Variants in PPP1R9A observed in about 807,000 individuals in gnomAD.
PPP1R9A encodes the protein neurabin-1.
In PPP1R9A, 59 loss-of-function variants were observed where a neutral mutation model predicts 141.9. That is an observed-to-expected ratio of 0.42 (90% CI 0.34 to 0.52). The LOEUF is 0.52. PPP1R9A is among the 20% of genes least tolerant of loss of function. The pLI is 0.10. For synonymous variants in PPP1R9A, 500 were observed against 569.7 expected, an observed-to-expected ratio of 0.88 and a Z score of 1.74; for missense variants, 1,444 against 1,611.9, an observed-to-expected ratio of 0.90 and a Z score of 1.78.
chr7:95,288,522 C>T lies in PPP1R9A; in HGVS notation c.3730-14C>T. ...TTGGTCCTTTAACAACACTACGTAA[C>T]ATTCCTATCTTAGATCCTTGATGAT... On this transcript the variant is annotated splice_polypyrimidine_tract_variant and intron_variant, in intron 18 of 19. Coordinates refer to ENST00000433360, the MANE Select transcript of PPP1R9A (RefSeq NM_001166160.2). 6.2e-7 allele frequency: 1 copy of T among 1,612,734 alleles called. No homozygotes were observed. The highest frequency in any genetic ancestry group is 1.1e-5 in the South Asian group (1 of 90,764).
chr7:94,947,754 A>AGT (rs1198809170), intron 2 of PPP1R9A, among the ~76,000 whole-genome samples: 1 of 152,118 alleles, frequency 6.6e-6, no homozygotes, highest in Non-Finnish European at 1.5e-5. Flanking sequence ...TATATATGAT[A>AGT]GTGACTTAGA....
intron 2 of PPP1R9A, among the ~76,000 whole-genome samples, chr7:95,083,589 A>G (rs1816216973): frequency 6.6e-6 from 1 of 151,922 alleles, no homozygotes. Context: ...TAGGAAACAT[A>G]GTGGTTCCAG....
chr7:95,281,750 G>A (rs1804271012), intron 16 of PPP1R9A, among the ~76,000 whole-genome samples: 2 of 152,154 alleles, frequency 1.3e-5, no homozygotes, highest in South Asian at 2.1e-4. Flanking sequence ...TGTTACAAAG[G>A]CTGTTCACTG....
chr7:95,271,779 C>A (rs1190399011), intron 14 of PPP1R9A, among the ~76,000 whole-genome samples: 1 of 152,078 alleles, frequency 6.6e-6, no homozygotes, highest in Non-Finnish European at 1.5e-5. Flanking sequence ...TAATTGGTCA[C>A]AAAGGTAGTA....
At chr7:95,143,591 A>T (rs1038667773) in intron 4 of PPP1R9A, among the ~76,000 whole-genome samples, 1 of 152,022 alleles carries the variant, frequency 6.6e-6, no homozygotes, top group Non-Finnish European at 1.5e-5. Context: ...ATTGGTATTT[A>T]CCCTACCGAG....
At chr7:94,987,175 T>C (rs894445123) in intron 2 of PPP1R9A, among the ~76,000 whole-genome samples, 12 of 152,252 alleles carry the variant, frequency 7.9e-5, no homozygotes. Context: ...GGAATATTTG[T>C]CGTTTTCAAA....
intron 2 of PPP1R9A, among the ~76,000 whole-genome samples, chr7:95,106,393 A>G (rs1224882875): frequency 6.6e-6 from 1 of 152,130 alleles, no homozygotes. Context: ...GGACCATACC[A>G]ATTGGGGATC....
chr7:95,187,655 C>G (rs1353993597), intron 5 of PPP1R9A, among the ~76,000 whole-genome samples: 1 of 152,098 alleles, frequency 6.6e-6, no homozygotes, highest in African/African-American at 2.4e-5. Context: ...ATGAACTTTC[C>G]TCCTAGCACT....
intron 8 of PPP1R9A, among the ~76,000 whole-genome samples, chr7:95,232,676 GA>G (rs1480334005): frequency 1.3e-5 from 2 of 151,772 alleles, no homozygotes; most frequent in East Asian, 3.9e-4. Flanking sequence ...AAATTTACAA[GA>G]AAAAAACAAC....
At chr7:95,256,219 T>G (rs1044963393) in intron 12 of PPP1R9A, among the ~76,000 whole-genome samples, 2 of 150,338 alleles carry the variant, frequency 1.3e-5, no homozygotes, top group Non-Finnish European at 3.0e-5. Context: ...CATTGAAAGC[T>G]ATTAAATATC....
At chr7:95,063,156 A>C (rs946849572) in intron 2 of PPP1R9A, among the ~76,000 whole-genome samples, 1 of 152,260 alleles carries the variant, frequency 6.6e-6, no homozygotes, top group Non-Finnish European at 1.5e-5. Flanking sequence ...GGAGAAAAGT[A>C]TCACTAATAG....
At chr7:95,283,113 G>C (rs1804588471) in intron 16 of PPP1R9A, among the ~76,000 whole-genome samples, 1 of 152,136 alleles carries the variant, frequency 6.6e-6, no homozygotes, top group South Asian at 2.1e-4. Flanking sequence ...CCTCTTCCAA[G>C]ATGCACATAA....
intron 16 of PPP1R9A, among the ~76,000 whole-genome samples, chr7:95,279,609 A>G (rs536190542): frequency 7.2e-5 from 11 of 152,326 alleles, no homozygotes; most frequent in South Asian, 4.1e-4. Flanking sequence ...ACACTTTTCC[A>G]TACTTAAAAA....
At chr7:94,950,231 A>G (rs1796326100) in intron 2 of PPP1R9A, among the ~76,000 whole-genome samples, 1 of 152,154 alleles carries the variant, frequency 6.6e-6, no homozygotes, top group African/African-American at 2.4e-5. Flanking sequence ...ATAGTTTGGT[A>G]TAGTTCAGAG....
chr7:95,029,751 T>C (rs375059750), intron 2 of PPP1R9A, among the ~76,000 whole-genome samples: 32 of 152,352 alleles, frequency 2.1e-4, no homozygotes, highest in African/African-American at 7.2e-4. Context: ...AGCATGTCTT[T>C]CCTATCACAC....
intron 2 of PPP1R9A, among the ~76,000 whole-genome samples, chr7:94,992,130 T>C (rs114944937): frequency 2.3e-3 from 354 of 152,346 alleles, no homozygotes; most frequent in African/African-American, 8.1e-3. Flanking sequence ...AAAGTTTTCT[T>C]TGAGTCCTTC....
At chr7:95,093,671 T>C (rs911542777) in intron 2 of PPP1R9A, among the ~76,000 whole-genome samples, 1 of 152,196 alleles carries the variant, frequency 6.6e-6, no homozygotes, top group Non-Finnish European at 1.5e-5. Flanking sequence ...TTGTCTACCA[T>C]ATGATACAAA....
chr7:95,010,922 T>C (rs1804328781), intron 2 of PPP1R9A, among the ~76,000 whole-genome samples: 1 of 152,150 alleles, frequency 6.6e-6, no homozygotes, highest in Non-Finnish European at 1.5e-5. Flanking sequence ...GATATACAAG[T>C]ACCACTGATG....
chr7:95,117,764 A>C (rs1821772258), intron 3 of PPP1R9A, among the ~76,000 whole-genome samples: 1 of 152,158 alleles, frequency 6.6e-6, no homozygotes, highest in African/African-American at 2.4e-5. Flanking sequence ...TTGGCTTGAC[A>C]TGTGATAAGT....
Sources: gnomAD v4.1 joint callset for allele counts (sites outside exome capture counted in the v4.1 genomes callset) on GRCh38, gnomAD v4.1.1 for gene constraint, MANE v1.5 for transcripts, NCBI Gene and HGNC (gene_info 2026-07-23, HGNC 2026-07-21) for gene names.